MBOAT1: variants seen among roughly 807,000 people sequenced by gnomAD.
MBOAT1 encodes membrane-bound glycerophospholipid O-acyltransferase 1.
A neutral mutation model predicts 64.4 loss-of-function variants in MBOAT1; 67 were observed. The ratio of observed to expected loss-of-function variants is 1.04; its 90% CI spans 0.85 to 1.27. MBOAT1 has a LOEUF of 1.27. Among genes scored for constraint, MBOAT1 ranks in the 50% most tolerant of loss-of-function variants. MBOAT1 has a pLI of 0.00. For missense variants in MBOAT1, 563 were observed against 604.6 expected, an observed-to-expected ratio of 0.93 and a Z score of 0.72; for synonymous variants, 229 against 218.9, an observed-to-expected ratio of 1.05 and a Z score of -0.41.
intron 1 of MBOAT1, among the ~76,000 whole-genome samples, chr6:20,168,533 G>A (rs1025242688): frequency 3.6e-4 from 50 of 139,360 alleles, no homozygotes; most frequent in East Asian, 6.3e-4. Flanking sequence ...GAGAGAAGAG[G>A]AGAGGAGAGG....
intron 8 of MBOAT1, 37 bp from the exon 9 acceptor site, chr6:20,118,577 A>C: frequency 1.3e-6 from 2 of 1,503,198 alleles, no homozygotes; most frequent in Non-Finnish European, 1.8e-6. Flanking sequence ...GATATGGAAC[A>C]AAAGTCACAT....
At position 20,152,623 on chromosome 6, in the gene MBOAT1, C is replaced by T. The variant is rs757893377; in HGVS notation, c.245+1G>A. 5.0e-6 allele frequency: 8 copies of T among 1,608,182 alleles called. No individual in the cohort carries two copies. The highest frequency in any genetic ancestry group is 2.3e-5 in the East Asian group (1 of 44,406). On this transcript the variant is annotated splice_donor_variant, in intron 2 of 12. Coordinates refer to ENST00000324607, the MANE Select transcript of MBOAT1 (RefSeq NM_001080480.3). LOFTEE classifies it high-confidence loss of function. ...TTAGAATATATGAGGCTCATACTCA[C>T]CAGCCGAAACAAAAGATGACAAAAT... is the stretch of plus-strand genomic sequence containing the variant.
chr6:20,178,418 TAAATAAA>T (rs1452561872), intron 1 of MBOAT1, among the ~76,000 whole-genome samples: 1 of 152,112 alleles, frequency 6.6e-6, no homozygotes, highest in Non-Finnish European at 1.5e-5. Context: ...AAAAAGTTGA[TAAATAAA>T]AATCAAACAT....
chr6:20,161,181 A>G (rs930402036), intron 1 of MBOAT1, among the ~76,000 whole-genome samples: 1 of 152,038 alleles, frequency 6.6e-6, no homozygotes, highest in Non-Finnish European at 1.5e-5. Flanking sequence ...TGCAAACCCT[A>G]TGGTGAACCA....
At chr6:20,107,218 C>T (rs1237461784) in intron 12 of MBOAT1, among the ~76,000 whole-genome samples, 3 of 152,180 alleles carry the variant, frequency 2.0e-5, no homozygotes, top group Non-Finnish European at 4.4e-5. Flanking sequence ...CTGATACCTA[C>T]CCCACCGCTC....
intron 8 of MBOAT1, among the ~76,000 whole-genome samples, chr6:20,120,823 A>G (rs1348164541): frequency 6.6e-6 from 1 of 152,204 alleles, no homozygotes; most frequent in Non-Finnish European, 1.5e-5. Context: ...CTGAGCCGAT[A>G]TCGGAATCCC....
chr6:20,211,722 C>T (rs546317248), intron 1 of MBOAT1, among the ~76,000 whole-genome samples: 3 of 152,190 alleles, frequency 2.0e-5, no homozygotes, highest in African/African-American at 7.2e-5. Context: ...TATAGACTAC[C>T]GTCTACAGAT....
chr6:20,206,284 T>C (rs893165256), intron 1 of MBOAT1, among the ~76,000 whole-genome samples: 4 of 152,134 alleles, frequency 2.6e-5, no homozygotes, highest in African/African-American at 9.7e-5. Context: ...AGTGATTCTC[T>C]TGCCTCAGCC....
chr6:20,180,592 T>C (rs1762481161), intron 1 of MBOAT1, among the ~76,000 whole-genome samples: 1 of 152,186 alleles, frequency 6.6e-6, no homozygotes, highest in African/African-American at 2.4e-5. Context: ...GCTGCTCTAA[T>C]TTTTGGCACT....
At chr6:20,133,661 T>C (rs1760897041) in intron 4 of MBOAT1, among the ~76,000 whole-genome samples, 1 of 152,220 alleles carries the variant, frequency 6.6e-6, no homozygotes, top group Admixed American at 6.5e-5. Context: ...GTTCCTATGT[T>C]CAATTGATAA....
Position 20,102,302 on chromosome 6 carries a change from TTA to T in MBOAT1, c.1470_1471del (p.Asn490LysfsTer25). 1 of 1,613,406 alleles carries T rather than the reference TTA, an allele frequency of 6.2e-7. No homozygotes were observed. The highest frequency in any genetic ancestry group is 8.5e-7 in the Non-Finnish European group (1 of 1,179,750). The stretch of plus-strand genomic sequence containing the variant: ...TTGGAGGTATCAATCTGTTTTTCTC[TTA>T]TTAATAGAGTTCAGAGTCTGAGGCC... On this transcript the variant is annotated frameshift_variant, in exon 13 of 13. Coordinates refer to ENST00000324607, the MANE Select transcript of MBOAT1 (RefSeq NM_001080480.3). LOFTEE classifies it high-confidence loss of function.
intron 4 of MBOAT1, among the ~76,000 whole-genome samples, chr6:20,137,717 AACACAC>A (rs35794753): frequency 0.073 from 10,930 of 150,024 alleles, 426 homozygotes; most frequent in Admixed American, 0.14. Flanking sequence ...CCCAAAATTA[AACACAC>A]ACACACACAC....
At chr6:20,193,397 C>T (rs536323868) in intron 1 of MBOAT1, among the ~76,000 whole-genome samples, 11 of 152,030 alleles carry the variant, frequency 7.2e-5, no homozygotes, top group Non-Finnish European at 1.2e-4. Flanking sequence ...AGACTGAATC[C>T]GGTACCTGAG....
chr6:20,212,260 C>T lies in MBOAT1; in HGVS notation c.-26G>A, dbSNP rs1448614124. ...CCTGCATCTTCGGGAGGTGGCTGCC[C>T]CTGTCCCAGCCCGCAACACCCCCTG... On this transcript the variant is annotated 5_prime_UTR_variant, in exon 1 of 13. Transcript: ENST00000324607. 4 of 1,596,352 alleles carry T rather than the reference C, an allele frequency of 2.5e-6. No individual in the cohort carries two copies. Among genetic ancestry groups the T allele is most frequent in the African/African-American group, 2.7e-5 (2 of 74,672 alleles).
chr6:20,141,038 ACT>A (rs1339154582), intron 4 of MBOAT1, among the ~76,000 whole-genome samples: 2 of 151,666 alleles, frequency 1.3e-5, no homozygotes, highest in African/African-American at 2.4e-5. Flanking sequence ...CAAATGCATG[ACT>A]CTGGGGTACA....
chr6:20,105,233 T>C (rs2113622775), intron 12 of MBOAT1, among the ~76,000 whole-genome samples: 1 of 152,374 alleles, frequency 6.6e-6, no homozygotes, highest in Non-Finnish European at 1.5e-5. Context: ...AACAATTACA[T>C]TAGGTAAAAT....
At chr6:20,179,202 C>G (rs1762439020) in intron 1 of MBOAT1, among the ~76,000 whole-genome samples, 1 of 151,722 alleles carries the variant, frequency 6.6e-6, no homozygotes, top group Non-Finnish European at 1.5e-5. Context: ...AAAACTCACA[C>G]AAAGTTAATG....
intron 8 of MBOAT1, 42 bp downstream of exon 8, chr6:20,124,366 C>G: frequency 6.3e-7 from 1 of 1,580,820 alleles, no homozygotes; most frequent in Non-Finnish European, 8.6e-7. Flanking sequence ...CAAGCAGTAG[C>G]ATTTTTCCCT....
Position 20,102,375 on chromosome 6 carries a change from T to C in MBOAT1, c.1399A>G (p.Ile467Val). ...YFYLHIISLL[I>V]ILFLPMKPQA... ...GGTTTCATTGGCAGAAATAGTATTA[T>C]CAGGAGACTTATGATGTGCAAATAA... Residue 467 changes from isoleucine to valine, a missense_variant, in exon 13 of 13, where the codon ATA (isoleucine) becomes GTA (valine). By Grantham distance (29) the Ile-to-Val change is conservative. Coordinates refer to ENST00000324607, the MANE Select transcript of MBOAT1 (RefSeq NM_001080480.3). The C allele has an allele frequency of 7.4e-6, 12 of 1,612,502 alleles. No individual in the cohort carries two copies. Among genetic ancestry groups the C allele is most frequent in the Non-Finnish European group, 1.0e-5 (12 of 1,178,576 alleles).
Sources: gnomAD v4.1 joint callset for allele counts (sites outside exome capture counted in the v4.1 genomes callset) on GRCh38, gnomAD v4.1.1 for gene constraint, MANE v1.5 for transcripts, NCBI Gene and HGNC (gene_info 2026-07-23, HGNC 2026-07-21) for gene names.